The following WWP2 variants were observed in gnomAD, a reference collection of about 807,000 sequenced individuals.
WWP2 encodes the protein NEDD4-like E3 ubiquitin-protein ligase WWP2.
A neutral mutation model predicts 121.0 loss-of-function variants in WWP2; 57 were observed. The ratio of observed to expected loss-of-function variants is 0.47; its 90% CI spans 0.38 to 0.59. The LOEUF (loss-of-function observed/expected upper bound fraction) is 0.59, where lower values mean the gene tolerates loss of function less well. WWP2 is among the 20% of genes least tolerant of loss of function. The pLI is 0.00. For synonymous variants in WWP2, 449 were observed against 441.3 expected, an observed-to-expected ratio of 1.02 and a Z score of -0.22; for missense variants, 962 against 1,158.9, an observed-to-expected ratio of 0.83 and a Z score of 2.47.
intron 16 of WWP2, 52 bp from the exon 17 acceptor site, chr16:69,933,918 A>T (rs2058757149): frequency 1.3e-6 from 2 of 1,581,968 alleles, no homozygotes; most frequent in East Asian, 4.5e-5. Flanking sequence ...TCCTGTGCAG[A>T]TGTGCACGAA....
intron 8 of WWP2, among the ~76,000 whole-genome samples, chr16:69,906,757 G>A (rs577294450): frequency 6.6e-6 from 1 of 152,238 alleles, no homozygotes; most frequent in East Asian, 1.9e-4. Flanking sequence ...GCATGCACTT[G>A]TTTTCCTAGC....
chr16:69,802,836 C>T (rs2056199011), intron 4 of WWP2, among the ~76,000 whole-genome samples: 1 of 152,012 alleles, frequency 6.6e-6, no homozygotes. Flanking sequence ...AACTCCTGAC[C>T]TCAAGTGATC....
intron 1 of WWP2, among the ~76,000 whole-genome samples, chr16:69,778,072 AATAT>A (rs138021233): frequency 0.049 from 6,709 of 137,432 alleles, 228 homozygotes; most frequent in Admixed American, 0.095. Flanking sequence ...CCCTGTCTCA[AATAT>A]ATATATATAT....
At position 69,925,233 on chromosome 16, in the gene WWP2, G is replaced by T; in HGVS notation, c.1180-197G>T. ...CCCTCCGTGCGCAGGGTTCTTTTTTGGTTTTTCTGTAAAAATCAAAACAAA... is the reference window on the plus strand; with the variant it reads ...CCCTCCGTGCGCAGGGTTCTTTTTTTGTTTTTCTGTAAAAATCAAAACAAA... On this transcript the variant is annotated intron_variant, in intron 10 of 23. Coordinates refer to ENST00000359154, the MANE Select transcript of WWP2 (RefSeq NM_001270454.2). The surrounding 1 kb of genome is among the most constrained non-coding windows in gnomAD (Gnocchi z 4.0). The T allele has an allele frequency of 1.4e-6, 2 of 1,437,478 alleles. No individual in the cohort carries two copies. The highest frequency in any genetic ancestry group is 1.8e-6 in the Non-Finnish European group (2 of 1,096,646). 89.0% of individuals were successfully genotyped at this position (1,437,478 alleles called of 1,614,324 possible).
chr16:69,900,630 C>T (rs2058189562), intron 8 of WWP2, among the ~76,000 whole-genome samples: 1 of 152,030 alleles, frequency 6.6e-6, no homozygotes, highest in Admixed American at 6.5e-5. Context: ...TCAAGCGATT[C>T]TCCTGCCTCA....
chr16:69,873,649 G>A (rs894293930), intron 7 of WWP2, among the ~76,000 whole-genome samples: 11 of 152,184 alleles, frequency 7.2e-5, no homozygotes, highest in African/African-American at 2.2e-4. Context: ...GCAGCTCTGC[G>A]AGCATTTTTC....
At chr16:69,766,390 TC>T in intron 1 of WWP2, among the ~76,000 whole-genome samples, 2 of 152,260 alleles carry the variant, frequency 1.3e-5, no homozygotes, top group Middle Eastern at 6.8e-3. Context: ...CCAGGGCAAG[TC>T]TGTTAAAAGG....
intron 5 of WWP2, 45 bp from the exon 6 acceptor site, chr16:69,841,979 G>A (rs2056986820): frequency 6.4e-7 from 1 of 1,571,506 alleles, no homozygotes; most frequent in East Asian, 2.3e-5. Flanking sequence ...CACGAGTTGA[G>A]CTCCTCAATG....
At chr16:69,828,537 TGTA>T (rs2056743208) in intron 4 of WWP2, among the ~76,000 whole-genome samples, 1 of 152,102 alleles carries the variant, frequency 6.6e-6, no homozygotes. Context: ...CCGCTAATTT[TGTA>T]TTTTTCGTAG....
intron 4 of WWP2, among the ~76,000 whole-genome samples, chr16:69,833,404 C>CT (rs11353651): frequency 6.6e-6 from 1 of 151,902 alleles, no homozygotes; most frequent in Non-Finnish European, 1.5e-5. Flanking sequence ...GACCTTGGTT[C>CT]TTTTTTTTCT....
intron 8 of WWP2, among the ~76,000 whole-genome samples, chr16:69,900,017 G>A (rs1477337737): frequency 6.6e-6 from 1 of 152,004 alleles, no homozygotes; most frequent in Non-Finnish European, 1.5e-5. Flanking sequence ...GGAATAACAT[G>A]ATTTATTTGA....
At chr16:69,816,160 A>C (rs1401322251) in intron 4 of WWP2, among the ~76,000 whole-genome samples, 1 of 152,164 alleles carries the variant, frequency 6.6e-6, no homozygotes, top group Non-Finnish European at 1.5e-5. Flanking sequence ...AATCTTGTGG[A>C]ATGATTACAA....
intron 6 of WWP2, among the ~76,000 whole-genome samples, chr16:69,844,421 A>G (rs188259973): frequency 1.6e-4 from 24 of 152,342 alleles, no homozygotes; most frequent in Admixed American, 1.4e-3. Context: ...GCTAGTAACT[A>G]CATCTTAGTC....
rs1597036914 is a variant in WWP2, at chr16:69,842,208, G to A, written c.575+88G>A. On this transcript the variant is annotated intron_variant, in intron 6 of 23. Transcript: ENST00000359154. Reference sequence around the variant, plus strand: ...TGGGACATGGCGGGGAACATTTTATGGTAGAAACTGTTGGAGATTTCCAGA... The same window carrying A: ...TGGGACATGGCGGGGAACATTTTATAGTAGAAACTGTTGGAGATTTCCAGA... The A allele has an allele frequency of 1.4e-5, 18 of 1,277,554 alleles. No individual in the cohort carries two copies. In the East Asian group the frequency reaches 3.8e-4, roughly 27 times the overall value. 79.1% of individuals were successfully genotyped at this position (1,277,554 alleles called of 1,614,324 possible).
At chr16:69,792,376 A>G (rs1400736932) in intron 2 of WWP2, among the ~76,000 whole-genome samples, 2 of 152,174 alleles carry the variant, frequency 1.3e-5, no homozygotes, top group African/African-American at 4.8e-5. Flanking sequence ...TTTTCAGTGT[A>G]TAATTTTGTC....
At chr16:69,867,474 C>G (rs2057548789) in intron 6 of WWP2, among the ~76,000 whole-genome samples, 1 of 152,112 alleles carries the variant, frequency 6.6e-6, no homozygotes, top group African/African-American at 2.4e-5. Context: ...AGGGCGAGGC[C>G]AGGTGTCCCA....
chr16:69,803,001 T>C (rs747313043), intron 4 of WWP2, among the ~76,000 whole-genome samples: 23 of 152,146 alleles, frequency 1.5e-4, no homozygotes, highest in Non-Finnish European at 3.1e-4. Context: ...TAAATACTTA[T>C]GAGACCTGTA....
At chr16:69,865,220 T>C (rs1238525988) in intron 6 of WWP2, among the ~76,000 whole-genome samples, 2 of 151,836 alleles carry the variant, frequency 1.3e-5, no homozygotes, top group East Asian at 3.9e-4. Flanking sequence ...TAGCAAATTT[T>C]TGTTATTTTT....
chr16:69,908,952 G>A lies in WWP2; in HGVS notation c.1004+102G>A, dbSNP rs1156343498. 4 of 1,568,772 alleles carry A rather than the reference G, an allele frequency of 2.5e-6. No homozygotes were observed. The Admixed American group carries it at 5.7e-5, about 22-fold the overall frequency. Reference sequence around the variant, plus strand: ...CTTTCTGCGGAGGTAGCATAGCACAGTGACGTTTATTCCGGGTCACTTGAT... The same window carrying A: ...CTTTCTGCGGAGGTAGCATAGCACAATGACGTTTATTCCGGGTCACTTGAT... On this transcript the variant is annotated intron_variant, in intron 9 of 23. Transcript: ENST00000359154.
Sources: gnomAD v4.1 joint callset for allele counts (sites outside exome capture counted in the v4.1 genomes callset) on GRCh38, gnomAD v4.1.1 for gene constraint, Gnocchi (gnomAD v3.1) non-coding constraint, MANE v1.5 for transcripts, NCBI Gene and HGNC (gene_info 2026-07-23, HGNC 2026-07-21) for gene names.